ZFHX3: variants seen among roughly 807,000 people sequenced by gnomAD.
The protein encoded by ZFHX3 is zinc finger homeobox protein 3.
ZFHX3 carries 42 observed loss-of-function variants against 279.1 expected under a neutral mutation model. That is an observed-to-expected ratio of 0.15 (90% confidence interval 0.12 to 0.19). The LOEUF (loss-of-function observed/expected upper bound fraction) is 0.19. ZFHX3 is among the 10% of genes least tolerant of loss of function. ZFHX3 has a pLI of 1.00. For synonymous variants in ZFHX3, 2,293 were observed against 1,957.8 expected, an observed-to-expected ratio of 1.17 and a Z score of -4.52; for missense variants, 4,981 against 4,754.0, an observed-to-expected ratio of 1.05 and a Z score of -1.40.
At position 72,933,813 on chromosome 16, in the gene ZFHX3, C is replaced by CTTTTTTTTTTTTTT. The variant is rs71391468; in HGVS notation, c.3216+16642_3216+16655dup. On this transcript the variant is annotated intron_variant, in intron 3 of 9. Transcript: ENST00000268489. Reference sequence around the variant, plus strand: ...TATGAAATGTTTAGCTCACAACTTTCTTTTTTTTTTTTTTTTTTTTTTTGA... The same window carrying CTTTTTTTTTTTTTT: ...TATGAAATGTTTAGCTCACAACTTTCTTTTTTTTTTTTTTTTTTTTTTTTTTTTTTTTTTTTTGA... Among the ~76,000 whole-genome samples, 73 of 112,456 alleles carry CTTTTTTTTTTTTTT rather than the reference C, an allele frequency of 6.5e-4. 5 individuals are homozygous for CTTTTTTTTTTTTTT. Among genetic ancestry groups the CTTTTTTTTTTTTTT allele is most frequent in the Non-Finnish European group, 8.7e-4 (44 of 50,694 alleles). 73.8% of individuals were successfully genotyped at this position (112,456 alleles called of 152,430 possible). A position where few individuals can be genotyped will look rare whatever the true frequency, so the allele number is the denominator to read the frequency against.
intron 4 of ZFHX3, among the ~76,000 whole-genome samples, chr16:72,872,055 C>G (rs1382894577): frequency 6.6e-6 from 1 of 151,802 alleles, no homozygotes; most frequent in Admixed American, 6.6e-5. Context: ...ACCGCACTTG[C>G]ACTCCAGCCT....
At chr16:73,879,633 T>A (rs1431720922) in intron 1 of ZFHX3, among the ~76,000 whole-genome samples, 2 of 152,156 alleles carry the variant, frequency 1.3e-5, no homozygotes, top group East Asian at 3.8e-4. Context: ...GAATTTGTTT[T>A]CACTAGTACT....
At chr16:73,782,539 G>C (rs989169395) in intron 1 of ZFHX3, among the ~76,000 whole-genome samples, 3 of 152,280 alleles carry the variant, frequency 2.0e-5, no homozygotes, top group Admixed American at 6.5e-5. Context: ...CTTCCCCTTA[G>C]AGAACATGAA....
intron 3 of ZFHX3, among the ~76,000 whole-genome samples, chr16:72,941,931 T>C (rs1423465926): frequency 1.3e-5 from 2 of 152,204 alleles, no homozygotes; most frequent in African/African-American, 2.4e-5. Context: ...ACTACCGAAA[T>C]GGTTTTCATA....
intron 5 of ZFHX3, among the ~76,000 whole-genome samples, chr16:73,187,678 G>T (rs1433541491): frequency 6.6e-6 from 1 of 152,220 alleles, no homozygotes; most frequent in African/African-American, 2.4e-5. Flanking sequence ...GAGCAGGCGA[G>T]TCTCTTTGGA....
intron 1 of ZFHX3, among the ~76,000 whole-genome samples, chr16:73,888,265 A>T (rs1050486426): frequency 6.6e-6 from 1 of 152,192 alleles, no homozygotes; most frequent in African/African-American, 2.4e-5. Flanking sequence ...GTAACGGCAT[A>T]AATTGTGCTC....
chr16:73,210,898 G>A (rs2011990745), intron 5 of ZFHX3, among the ~76,000 whole-genome samples: 1 of 152,040 alleles, frequency 6.6e-6, no homozygotes, highest in Non-Finnish European at 1.5e-5. Flanking sequence ...TGCACAGATA[G>A]CAAAACCATA....
At chr16:73,756,989 A>G (rs1012803137) in intron 1 of ZFHX3, among the ~76,000 whole-genome samples, 9 of 152,174 alleles carry the variant, frequency 5.9e-5, no homozygotes, top group Non-Finnish European at 1.3e-4. Context: ...CAATCGTAAG[A>G]GTGCAAGAGG....
chr16:73,091,304 T>C (rs546620810), intron 8 of ZFHX3, among the ~76,000 whole-genome samples: 18 of 151,378 alleles, frequency 1.2e-4, no homozygotes, highest in African/African-American at 4.4e-4. Flanking sequence ...AAAAGGGGCA[T>C]TGGCAGTAAG....
intron 1 of ZFHX3, among the ~76,000 whole-genome samples, chr16:73,758,962 G>A (rs945361289): frequency 1.3e-5 from 2 of 152,214 alleles, no homozygotes; most frequent in Non-Finnish European, 2.9e-5. Context: ...ATAGATGTGG[G>A]TGGTGCATGG....
chr16:73,806,479 G>A (rs1960278976), intron 1 of ZFHX3, among the ~76,000 whole-genome samples: 1 of 152,158 alleles, frequency 6.6e-6, no homozygotes, highest in African/African-American at 2.4e-5. Flanking sequence ...TGGCCTTTGG[G>A]GCAATATGGG....
At chr16:73,628,124 G>C (rs2052435749) in intron 2 of ZFHX3, among the ~76,000 whole-genome samples, 1 of 152,076 alleles carries the variant, frequency 6.6e-6, no homozygotes, top group Admixed American at 6.5e-5. Flanking sequence ...TACCCAACGT[G>C]TCTACCTCCA....
At chr16:73,686,089 C>CTTATTCAT (rs2053079926) in intron 1 of ZFHX3, among the ~76,000 whole-genome samples, 1 of 151,714 alleles carries the variant, frequency 6.6e-6, no homozygotes, top group African/African-American at 2.4e-5. Flanking sequence ...TCAGACATTT[C>CTTATTCAT]TTATTTATTT....
chr16:72,919,777 CTTTTTTTTT>C (rs532405250), intron 3 of ZFHX3, among the ~76,000 whole-genome samples: 9 of 42,292 alleles, frequency 2.1e-4, no homozygotes, highest in Admixed American at 9.9e-4. Flanking sequence ...TATGCACCAT[CTTTTTTTTT>C]TTTTTTTTTT....
chr16:73,573,124 AGG>A (rs2051759109), intron 2 of ZFHX3, among the ~76,000 whole-genome samples: 1 of 152,196 alleles, frequency 6.6e-6, no homozygotes, highest in African/African-American at 2.4e-5. Flanking sequence ...ATAGTGAATG[AGG>A]GGACAGGGTG....
intron 3 of ZFHX3, among the ~76,000 whole-genome samples, chr16:73,380,774 G>A (rs1161248845): frequency 1.3e-5 from 2 of 152,196 alleles, no homozygotes; most frequent in African/African-American, 4.8e-5. Context: ...GGAGGCCAAG[G>A]TGGGAGGCTG....
intron 5 of ZFHX3, among the ~76,000 whole-genome samples, chr16:73,212,079 C>A (rs954994991): frequency 6.6e-6 from 1 of 151,802 alleles, no homozygotes; most frequent in African/African-American, 2.4e-5. Context: ...CAGCTGGTGA[C>A]TTCTCTCTCT....
At chr16:73,437,320 G>A (rs892493366) in intron 3 of ZFHX3, among the ~76,000 whole-genome samples, 6 of 152,090 alleles carry the variant, frequency 3.9e-5, no homozygotes. Context: ...TCCCTTTTTG[G>A]TGTCTATATT....
At chr16:73,257,358 G>C (rs1350008889) in intron 4 of ZFHX3, among the ~76,000 whole-genome samples, 1 of 152,158 alleles carries the variant, frequency 6.6e-6, no homozygotes, top group Non-Finnish European at 1.5e-5. Flanking sequence ...GCAAATTTCA[G>C]ATGTGTCTTG....
Sources: gnomAD v4.1 joint callset for allele counts (sites outside exome capture counted in the v4.1 genomes callset) on GRCh38, gnomAD v4.1.1 for gene constraint, MANE v1.5 for transcripts, NCBI Gene and HGNC (gene_info 2026-07-23, HGNC 2026-07-21) for gene names.